RBFOX2: variants seen among roughly 807,000 people sequenced by gnomAD.
The protein encoded by RBFOX2 is RNA binding protein fox-1 homolog 2.
A neutral mutation model predicts 49.1 loss-of-function variants in RBFOX2; 10 were observed. The observed-to-expected ratio is 0.20, with a 90% confidence interval of 0.13 to 0.35. RBFOX2 has a LOEUF of 0.35. Among genes scored for constraint, RBFOX2 ranks in the 10% least tolerant of loss-of-function variants. RBFOX2 has a pLI of 1.00. For missense variants in RBFOX2, 323 were observed against 486.9 expected (o/e 0.66, Z 3.17); for synonymous variants, 183 against 187.4 (o/e 0.98, Z 0.19).
chr22:35,787,912 G>A (rs1372398072), intron 2 of RBFOX2, among the ~76,000 whole-genome samples: 2 of 152,150 alleles, frequency 1.3e-5, no homozygotes, highest in Middle Eastern at 3.2e-3. Flanking sequence ...GAGGACTAGC[G>A]GCAGTGCTGG....
chr22:35,935,399 GCTT>G (rs778621892), intron 1 of RBFOX2, among the ~76,000 whole-genome samples: 39 of 152,168 alleles, frequency 2.6e-4, no homozygotes, highest in Non-Finnish European at 4.3e-4. Context: ...ATCCCATAAA[GCTT>G]CTTAATAGAT....
chr22:35,968,385 C>T (rs188130688), intron 1 of RBFOX2, among the ~76,000 whole-genome samples: 171 of 152,158 alleles, frequency 1.1e-3, no homozygotes, highest in African/African-American at 3.8e-3. Context: ...ACACACAGAA[C>T]GGGAGGGAAA....
At chr22:35,958,237 G>C (rs1569511727) in intron 1 of RBFOX2, among the ~76,000 whole-genome samples, 1 of 152,004 alleles carries the variant, frequency 6.6e-6, no homozygotes, top group African/African-American at 2.4e-5. Flanking sequence ...GTTTATTAGA[G>C]GAACAACTTA....
upstream of RBFOX2, among the ~76,000 whole-genome samples, chr22:35,841,100 C>G (rs1243829951): frequency 6.6e-6 from 1 of 152,148 alleles, no homozygotes; most frequent in Non-Finnish European, 1.5e-5. Flanking sequence ...AAGGTGTCTA[C>G]AAATATGACT....
chr22:36,017,479 G>T (rs1037621316), intron 1 of RBFOX2, among the ~76,000 whole-genome samples: 13 of 152,102 alleles, frequency 8.5e-5, no homozygotes, highest in Admixed American at 8.5e-4. Flanking sequence ...AGTGAGCCGA[G>T]ATCATGCCAT....
At chr22:35,813,112 T>C (rs1952251521) in intron 1 of RBFOX2, among the ~76,000 whole-genome samples, 3 of 152,240 alleles carry the variant, frequency 2.0e-5, no homozygotes, top group Admixed American at 1.3e-4. Flanking sequence ...CAGAAATTTC[T>C]TTTAAAATTT....
At chr22:35,765,550 C>T (rs942405270) in intron 5 of RBFOX2, 67 bp from the exon 7 acceptor site, 1 of 868,940 alleles carries the variant, frequency 1.2e-6, no homozygotes, top group East Asian at 2.7e-5. Flanking sequence ...TAAAGTTGCA[C>T]ATCCAATAAC....
rs553142749 is a variant in RBFOX2, at chr22:35,944,466, T to C, written c.43-5569A>G. On this transcript the variant is annotated intron_variant, in intron 1 of 5. Coordinates refer to the RBFOX2 transcript ENST00000408983. ...GTGAAATTACCCAGAATATAGCACA[T>C]AGAGGAGAAAAAAGGTACTATTTTT... 1.2e-4 allele frequency among the ~76,000 whole-genome samples: 18 copies of C among 152,078 alleles called. 1 individual carries two copies. In the South Asian group the frequency reaches 3.5e-3, roughly 30 times the overall value.
intron 1 of RBFOX2, among the ~76,000 whole-genome samples, chr22:35,826,309 T>C (rs146700177): frequency 0.069 from 8,855 of 128,730 alleles, 341 homozygotes; most frequent in South Asian, 0.092. Context: ...GCCATCGCAG[T>C]CCAGCCTGGG....
chr22:35,744,170 G>T (rs1358895300), exon 12 of RBFOX2: 4 of 1,596,246 alleles, frequency 2.5e-6, no homozygotes, highest in Non-Finnish European at 3.4e-6. Flanking sequence ...TCATGAACTG[G>T]GGGGCTGTCC....
chr22:35,848,252 G>A (rs2041468749), intron 1 of RBFOX2, among the ~76,000 whole-genome samples: 1 of 152,128 alleles, frequency 6.6e-6, no homozygotes, highest in East Asian at 1.9e-4. Flanking sequence ...CCAGCCTTAA[G>A]CTGTTACAAA....
intron 1 of RBFOX2, among the ~76,000 whole-genome samples, chr22:35,971,655 G>A (rs2056875736): frequency 6.6e-6 from 1 of 152,018 alleles, no homozygotes; most frequent in African/African-American, 2.4e-5. Context: ...AGGAGAGGGA[G>A]GTAAACAGGG....
intron 3 of RBFOX2, 100 bp downstream of exon 4, chr22:35,781,500 A>G: frequency 1.4e-6 from 2 of 1,426,048 alleles, no homozygotes. Flanking sequence ...CTTTCAATCT[A>G]TTTGTAGTTT....
intron 1 of RBFOX2, among the ~76,000 whole-genome samples, chr22:35,977,722 C>CCA (rs2057243693): frequency 3.7e-5 from 3 of 80,842 alleles, no homozygotes; most frequent in Non-Finnish European, 7.1e-5. Context: ...CCTGAATGAA[C>CCA]TATATATATA....
At chr22:35,952,635 G>A (rs2055078954) in intron 1 of RBFOX2, among the ~76,000 whole-genome samples, 3 of 152,180 alleles carry the variant, frequency 2.0e-5, no homozygotes, top group African/African-American at 7.2e-5. Flanking sequence ...CTGAGATACA[G>A]AGCTCTAATA....
chr22:35,840,058 C>T, intron 1 of RBFOX2: 1 of 1,229,064 alleles, frequency 8.1e-7, no homozygotes, highest in Non-Finnish European at 1.2e-6. Context: ...GACTTTTCAG[C>T]TGATAACAAT....
At chr22:35,788,508 A>G (rs1946902508) in intron 2 of RBFOX2, among the ~76,000 whole-genome samples, 1 of 152,200 alleles carries the variant, frequency 6.6e-6, no homozygotes, top group South Asian at 2.1e-4. Flanking sequence ...TGAGAATCTG[A>G]TTCATGGCTG....
chr22:35,836,071 G>A, intron 1 of RBFOX2, among the ~76,000 whole-genome samples: 1 of 152,110 alleles, frequency 6.6e-6, no homozygotes, highest in Non-Finnish European at 1.5e-5. Flanking sequence ...AAACAGTGTG[G>A]CTGCAGCTCC....
At chr22:36,017,720 C>G (rs943054676) in intron 1 of RBFOX2, among the ~76,000 whole-genome samples, 3 of 152,172 alleles carry the variant, frequency 2.0e-5, no homozygotes, top group African/African-American at 7.2e-5. Context: ...CTCCAGCGAA[C>G]TGGAACAGGT....
Sources: gnomAD v4.1 joint callset for allele counts (sites outside exome capture counted in the v4.1 genomes callset) on GRCh38, gnomAD v4.1.1 for gene constraint, MANE v1.5 for transcripts, NCBI Gene and HGNC (gene_info 2026-07-23, HGNC 2026-07-21) for gene names.